Variants in TRIP4 observed in about 807,000 individuals in gnomAD.
TRIP4 encodes the protein thyroid hormone receptor interactor 4.
In TRIP4, 54 loss-of-function variants were observed where a neutral mutation model predicts 81.8. The observed-to-expected ratio is 0.66, with a 90% confidence interval of 0.53 to 0.83. The LOEUF (loss-of-function observed/expected upper bound fraction) is 0.83, where lower values mean the gene tolerates loss of function less well. Among genes scored for constraint, TRIP4 ranks in the 40% least tolerant of loss-of-function variants. The pLI, the probability that TRIP4 is intolerant of heterozygous loss-of-function variation, is 0.00. For synonymous variants in TRIP4, 270 were observed against 242.8 expected (o/e 1.11, Z -1.04); for missense variants, 662 against 683.6 (o/e 0.97, Z 0.35).
chr15:64,388,702 C>T (rs1278094250), intron 1 of TRIP4, among the ~76,000 whole-genome samples: 1 of 152,196 alleles, frequency 6.6e-6, no homozygotes, highest in African/African-American at 2.4e-5. Context: ...TAAGTGGAAG[C>T]AGCGTGGTAG....
intron 11 of TRIP4, among the ~76,000 whole-genome samples, chr15:64,428,176 A>G (rs1011789484): frequency 2.6e-5 from 4 of 152,160 alleles, no homozygotes; most frequent in Admixed American, 2.0e-4. Context: ...TTTCTCATCT[A>G]TTGATCAAGC....
chr15:64,447,657 G>A (rs913799063), intron 12 of TRIP4, among the ~76,000 whole-genome samples: 14 of 152,150 alleles, frequency 9.2e-5, no homozygotes, highest in South Asian at 8.3e-4. Context: ...TACTTCAGAC[G>A]GTACTCCAGT....
intron 11 of TRIP4, among the ~76,000 whole-genome samples, chr15:64,426,851 A>C (rs190998637): frequency 2.0e-5 from 3 of 150,918 alleles, no homozygotes; most frequent in African/African-American, 7.3e-5. Flanking sequence ...TACAAAAAAA[A>C]TTGCTGGGTG....
chr15:64,445,469 A>G (rs186407941), intron 12 of TRIP4, among the ~76,000 whole-genome samples: 2 of 73,866 alleles, frequency 2.7e-5, no homozygotes, highest in African/African-American at 6.9e-5. Context: ...CTCTACTAAG[A>G]TTACCAAAAA....
chr15:64,454,973 G>A (rs1892853229), intron 12 of TRIP4, 24 bp from the exon 13 acceptor site: 1 of 1,606,774 alleles, frequency 6.2e-7, no homozygotes, highest in Non-Finnish European at 8.5e-7. Flanking sequence ...AATAAATAAT[G>A]AGACTTATTT....
chr15:64,412,554 C>G (rs1295057457), intron 7 of TRIP4, among the ~76,000 whole-genome samples: 1 of 53,612 alleles, frequency 1.9e-5, no homozygotes, highest in African/African-American at 3.7e-5. Context: ...TTGAAAGCCT[C>G]TTTAAAAAAA....
chr15:64,402,311 C>T (rs555584677), intron 5 of TRIP4, among the ~76,000 whole-genome samples: 17 of 150,762 alleles, frequency 1.1e-4, no homozygotes, highest in African/African-American at 3.7e-4. Flanking sequence ...CAGCCTTCGC[C>T]TCCCAGGTTC....
chr15:64,446,715 T>G (rs911588555), intron 12 of TRIP4, among the ~76,000 whole-genome samples: 4 of 151,702 alleles, frequency 2.6e-5, no homozygotes, highest in African/African-American at 9.7e-5. Flanking sequence ...TTTTAAAAAT[T>G]TTTATTAGTT....
chr15:64,413,224 G>A (rs945301986), intron 7 of TRIP4, among the ~76,000 whole-genome samples: 2 of 152,026 alleles, frequency 1.3e-5, no homozygotes, highest in African/African-American at 4.8e-5. Context: ...TTGTGACAGG[G>A]CCTTATTGAC....
chr15:64,398,450 A>G (rs1900359586), intron 4 of TRIP4, among the ~76,000 whole-genome samples: 1 of 149,534 alleles, frequency 6.7e-6, no homozygotes, highest in Non-Finnish European at 1.5e-5. Flanking sequence ...AAAAAAAAAA[A>G]GTTTTTAATT....
intron 11 of TRIP4, 51 bp from the exon 12 acceptor site, chr15:64,444,955 A>C (rs370946327): frequency 3.0e-6 from 3 of 1,003,766 alleles, no homozygotes; most frequent in African/African-American, 3.2e-5. Context: ...TTCTCCTTAA[A>C]TTCAAAGCTT....
At chr15:64,432,043 C>T (rs1250954025) in intron 11 of TRIP4, among the ~76,000 whole-genome samples, 4 of 150,812 alleles carry the variant, frequency 2.7e-5, no homozygotes, top group South Asian at 2.1e-4. Context: ...CGCACCACCA[C>T]GCCCGGCTAA....
intron 11 of TRIP4, among the ~76,000 whole-genome samples, chr15:64,430,094 A>C (rs1023947633): frequency 6.6e-6 from 1 of 152,260 alleles, no homozygotes; most frequent in African/African-American, 2.4e-5. Flanking sequence ...TGGTTGTTTT[A>C]AAATCAAGTG....
intron 11 of TRIP4, among the ~76,000 whole-genome samples, chr15:64,438,890 A>G (rs148854360): frequency 2.6e-5 from 4 of 152,338 alleles, no homozygotes; most frequent in East Asian, 3.9e-4. Context: ...ACAAATGGCT[A>G]TAAGATCTGT....
rs1284895211 is a variant in TRIP4 at position 64,387,971 on chromosome 15, A to G, written c.101+7A>G. Reference sequence around the variant, plus strand: ...TCAGCGAGGAGATCATTCAGTGAGAACAGTTCGGGTCCAAGCGGGGAAGGA... The same window carrying G: ...TCAGCGAGGAGATCATTCAGTGAGAGCAGTTCGGGTCCAAGCGGGGAAGGA... On this transcript the variant is annotated splice_region_variant and intron_variant, in intron 1 of 12. Coordinates refer to ENST00000261884, the MANE Select transcript of TRIP4 (RefSeq NM_016213.5). 6.5e-7 allele frequency: 1 copy of G among 1,548,220 alleles called. No homozygotes were observed.
chr15:64,433,432 C>T (rs1892319363), intron 11 of TRIP4, among the ~76,000 whole-genome samples: 1 of 151,968 alleles, frequency 6.6e-6, no homozygotes, highest in African/African-American at 2.4e-5. Context: ...GAAACCTCAT[C>T]TCTACTAAAA....
Position 64,418,975 on chromosome 15 carries a change from C to T in TRIP4, c.1358+247C>T, listed in dbSNP as rs7181518. ...TACTGAATAGCTTAAACAAACTGAG[C>T]ATAAAAAGGCTAAGAAAGTCATAAC... On this transcript the variant is annotated intron_variant, in intron 9 of 12. Coordinates refer to ENST00000261884, the MANE Select transcript of TRIP4 (RefSeq NM_016213.5). Among the ~76,000 whole-genome samples, 17,294 of 151,974 alleles carry T rather than the reference C, an allele frequency of 0.11. 2,165 individuals are homozygous for T. Among genetic ancestry groups the T allele is most frequent in the African/African-American group, 0.31 (12,923 of 41,408 alleles).
intron 9 of TRIP4, among the ~76,000 whole-genome samples, chr15:64,420,520 T>G (rs1891988277): frequency 8.1e-6 from 1 of 123,262 alleles, no homozygotes; most frequent in Non-Finnish European, 1.7e-5. Context: ...TGTCTTTTGC[T>G]TCTTATTTCT....
chr15:64,430,363 C>G (rs976555349), intron 11 of TRIP4, among the ~76,000 whole-genome samples: 2 of 152,216 alleles, frequency 1.3e-5, no homozygotes, highest in African/African-American at 2.4e-5. Context: ...CTGTGATTCC[C>G]CTGGAAGGAG....
Sources: gnomAD v4.1 joint callset for allele counts (sites outside exome capture counted in the v4.1 genomes callset) on GRCh38, gnomAD v4.1.1 for gene constraint, MANE v1.5 for transcripts, NCBI Gene and HGNC (gene_info 2026-07-23, HGNC 2026-07-21) for gene names.